The following BBS9 variants were observed in gnomAD, a reference collection of about 807,000 sequenced individuals.
BBS9 encodes the protein protein PTHB1.
In BBS9, 89 loss-of-function variants were observed where a neutral mutation model predicts 117.7. That is an observed-to-expected ratio of 0.76 (90% confidence interval 0.64 to 0.90). BBS9 has a LOEUF of 0.90. Among genes scored for constraint, BBS9 ranks in the 40% least tolerant of loss-of-function variants. BBS9 has a pLI of 0.00. For missense variants in BBS9, 982 were observed against 1,042.2 expected (o/e 0.94, Z 0.80); for synonymous variants, 379 against 370.9 (o/e 1.02, Z -0.25).
chr7:33,586,751 A>G (rs983270185), intron 21 of BBS9, among the ~76,000 whole-genome samples: 1 of 152,128 alleles, frequency 6.6e-6, no homozygotes, highest in African/African-American at 2.4e-5. Flanking sequence ...CTTTGAAGCA[A>G]CATGGATACA....
chr7:33,418,018 GT>G (rs1211205930), intron 19 of BBS9, among the ~76,000 whole-genome samples: 1 of 152,148 alleles, frequency 6.6e-6, no homozygotes, highest in African/African-American at 2.4e-5. Context: ...TATCCATCTT[GT>G]TCACTCTACC....
intron 5 of BBS9, among the ~76,000 whole-genome samples, chr7:33,207,407 A>G (rs1787131801): frequency 6.6e-6 from 1 of 152,168 alleles, no homozygotes; most frequent in South Asian, 2.1e-4. Context: ...ATGTGGATTC[A>G]TGAATTTCAA....
chr7:33,344,086 T>C (rs918501153), intron 11 of BBS9, among the ~76,000 whole-genome samples: 1 of 135,816 alleles, frequency 7.4e-6, no homozygotes, highest in African/African-American at 2.8e-5. Context: ...GAGTTTTTTT[T>C]TTTTTTTTTT....
At chr7:33,446,261 T>C (rs1349665491) in intron 19 of BBS9, among the ~76,000 whole-genome samples, 2 of 152,184 alleles carry the variant, frequency 1.3e-5, no homozygotes, top group African/African-American at 4.8e-5. Context: ...AAGAGAATAA[T>C]TTACTAGAGC....
chr7:33,608,098 A>G (rs1049191772), downstream of BBS9, among the ~76,000 whole-genome samples: 5 of 151,974 alleles, frequency 3.3e-5, no homozygotes, highest in African/African-American at 9.7e-5. Flanking sequence ...CTTCAAGTCC[A>G]TGAGTACCCA....
intron 21 of BBS9, among the ~76,000 whole-genome samples, chr7:33,590,179 T>C (rs1861600421): frequency 6.6e-6 from 1 of 151,808 alleles, no homozygotes; most frequent in Non-Finnish European, 1.5e-5. Context: ...TTCTGTAGAG[T>C]GGCAGAGGCA....
intron 19 of BBS9, among the ~76,000 whole-genome samples, chr7:33,470,529 A>C: frequency 6.6e-6 from 1 of 152,114 alleles, no homozygotes; most frequent in East Asian, 1.9e-4. Flanking sequence ...TTCCGTGAAA[A>C]TAGCAAGCTT....
At chr7:33,443,710 C>T (rs759739973) in intron 19 of BBS9, among the ~76,000 whole-genome samples, 1 of 152,168 alleles carries the variant, frequency 6.6e-6, no homozygotes, top group Non-Finnish European at 1.5e-5. Context: ...CTCTTGTAGT[C>T]TTAGCAAGCA....
At chr7:33,468,152 C>A (rs999673099) in intron 19 of BBS9, among the ~76,000 whole-genome samples, 1 of 151,932 alleles carries the variant, frequency 6.6e-6, no homozygotes, top group Non-Finnish European at 1.5e-5. Flanking sequence ...AGAGAGAGAT[C>A]GGGGGTAGAT....
intron 20 of BBS9, among the ~76,000 whole-genome samples, chr7:33,523,317 G>T (rs1307511470): frequency 7.4e-6 from 1 of 135,794 alleles, no homozygotes. Context: ...GGATGGCATT[G>T]AATCTGTAAA....
At chr7:33,326,278 A>G (rs554736167) in intron 9 of BBS9, among the ~76,000 whole-genome samples, 120 of 132,984 alleles carry the variant, frequency 9.0e-4, no homozygotes, top group African/African-American at 3.5e-3. Flanking sequence ...CCCTATTACT[A>G]CCACCTCTAG....
intron 9 of BBS9, among the ~76,000 whole-genome samples, chr7:33,295,694 T>G (rs1805113946): frequency 6.6e-6 from 1 of 152,012 alleles, no homozygotes; most frequent in Non-Finnish European, 1.5e-5. Context: ...AAGAGAGAAC[T>G]TAAGATATGG....
intron 9 of BBS9, among the ~76,000 whole-genome samples, chr7:33,324,677 A>G (rs1812481337): frequency 6.6e-6 from 1 of 150,974 alleles, no homozygotes; most frequent in Non-Finnish European, 1.5e-5. Flanking sequence ...GATGAAATCT[A>G]TCAGCTTTTG....
chr7:33,528,271 T>A (rs1005591980), intron 20 of BBS9, among the ~76,000 whole-genome samples: 42 of 152,368 alleles, frequency 2.8e-4, no homozygotes, highest in African/African-American at 9.9e-4. Context: ...CTCTTTTCAC[T>A]TGAAATCTGG....
chr7:33,453,945 T>C (rs1838269810), intron 19 of BBS9, among the ~76,000 whole-genome samples: 1 of 152,224 alleles, frequency 6.6e-6, no homozygotes, highest in African/African-American at 2.4e-5. Context: ...AATTAGTAGT[T>C]AAATTTGGGG....
chr7:33,213,671 T>G (rs927132746), intron 5 of BBS9, among the ~76,000 whole-genome samples: 2 of 152,208 alleles, frequency 1.3e-5, no homozygotes, highest in African/African-American at 4.8e-5. Flanking sequence ...TATTCAGGGC[T>G]CAGGGGCTCT....
intron 21 of BBS9, among the ~76,000 whole-genome samples, chr7:33,634,242 C>A (rs1239971697): frequency 6.6e-6 from 1 of 152,158 alleles, no homozygotes; most frequent in Admixed American, 6.5e-5. Context: ...AAGCACTCTG[C>A]CAAAAGGGAG....
intron 19 of BBS9, among the ~76,000 whole-genome samples, chr7:33,477,174 A>G (rs1841913808): frequency 6.6e-6 from 1 of 152,218 alleles, no homozygotes; most frequent in African/African-American, 2.4e-5. Flanking sequence ...TGGGAAGATT[A>G]AGGGAATAAT....
At chr7:33,393,486 G>A (rs1176694925) in intron 19 of BBS9, among the ~76,000 whole-genome samples, 2 of 151,980 alleles carry the variant, frequency 1.3e-5, no homozygotes, top group South Asian at 2.1e-4. Flanking sequence ...TTTTGCTCTG[G>A]GCACCTCAAA....
Sources: allele counts gnomAD v4.1 joint callset (sites outside exome capture counted in the v4.1 genomes callset), GRCh38; gene constraint gnomAD v4.1.1; transcripts MANE v1.5; gene names NCBI Gene and HGNC (gene_info 2026-07-23, HGNC 2026-07-21).